FER: variants seen among roughly 807,000 people sequenced by gnomAD.
FER encodes FER tyrosine kinase, also known as tyrosine-protein kinase Fer.
Under a neutral mutation model 111.0 loss-of-function variants are expected in FER, and 63 were observed. The ratio of observed to expected loss-of-function variants is 0.57; its 90% CI spans 0.46 to 0.70. The LOEUF is 0.70. Ranked by LOEUF, FER falls within the 30% of genes least tolerant of loss-of-function variation. FER has a pLI of 0.00. For missense variants in FER, 914 were observed against 954.0 expected (o/e 0.96, Z 0.55); for synonymous variants, 327 against 313.9 (o/e 1.04, Z -0.44).
In FER at chr5:108,780,474, A is replaced by G. The variant is rs192271724; in HGVS notation, c.-60+12236A>G. Among the ~76,000 whole-genome samples the G allele has an allele frequency of 1.8e-3, 280 of 151,938 alleles. 2 individuals are homozygous for G. Among genetic ancestry groups the G allele is most frequent in the African/African-American group, 6.2e-3 (256 of 41,482 alleles). On this transcript the variant is annotated intron_variant, in intron 2 of 19. Coordinates refer to ENST00000281092, the MANE Select transcript of FER (RefSeq NM_005246.4). ...TTATATGGTTTTGGAGGTAATGTCA[A>G]TGTAATTATTCTCTTTGCTCTTTGA...
At chr5:108,941,049 C>T (rs1168234913) in intron 10 of FER, among the ~76,000 whole-genome samples, 1 of 152,048 alleles carries the variant, frequency 6.6e-6, no homozygotes, top group Non-Finnish European at 1.5e-5. Context: ...ACTTCTCTCT[C>T]CCACCCGAGA....
At chr5:108,959,396 G>A (rs902650790) in intron 13 of FER, 49 bp downstream of exon 13, 4 of 1,530,642 alleles carry the variant, frequency 2.6e-6, no homozygotes, top group Non-Finnish European at 3.5e-6. Flanking sequence ...AGAATTTTTG[G>A]TGAGTTAACA....
chr5:109,136,450 G>C (rs147164919), intron 17 of FER, among the ~76,000 whole-genome samples: 12 of 152,210 alleles, frequency 7.9e-5, no homozygotes, highest in African/African-American at 2.9e-4. Context: ...ATGTCTCCAA[G>C]TATGGGTAGC....
chr5:109,130,674 C>T (rs751940219), intron 17 of FER, among the ~76,000 whole-genome samples: 4 of 151,442 alleles, frequency 2.6e-5, no homozygotes, highest in South Asian at 2.1e-4. Flanking sequence ...ATAAATTTTA[C>T]GTTGTTTTGT....
intron 14 of FER, among the ~76,000 whole-genome samples, chr5:109,040,334 C>G (rs973079954): frequency 6.6e-6 from 1 of 152,088 alleles, no homozygotes; most frequent in Non-Finnish European, 1.5e-5. Flanking sequence ...TGAGCCTTGC[C>G]CACTCGAACA....
intron 15 of FER, among the ~76,000 whole-genome samples, chr5:109,046,010 A>T (rs746189674): frequency 6.6e-6 from 1 of 152,136 alleles, no homozygotes; most frequent in Non-Finnish European, 1.5e-5. Flanking sequence ...AAACTCAAGA[A>T]TTTTTGTTGG....
chr5:109,056,472 G>C (rs1773663045), intron 16 of FER, among the ~76,000 whole-genome samples: 1 of 151,948 alleles, frequency 6.6e-6, no homozygotes, highest in African/African-American at 2.4e-5. Flanking sequence ...GCCAGACACA[G>C]AAATGAAAAT....
chr5:108,948,977 C>G lies in FER; in HGVS notation c.1329+2755C>G, dbSNP rs1757371802. Among the ~76,000 whole-genome samples, 5 of 152,092 alleles carry G rather than the reference C, an allele frequency of 3.3e-5. No homozygotes were observed. The South Asian group carries it at 1.0e-3, about 31-fold the overall frequency. On this transcript the variant is annotated intron_variant, in intron 11 of 19. Transcript: ENST00000281092. ...CTCCTTAAAATTCATATTTTCTACA[C>G]TCTGTTGACATGGGTGCTATTTCAA...
intron 1 of FER, among the ~76,000 whole-genome samples, chr5:108,763,452 TGAG>T (rs1751982867): frequency 6.6e-6 from 1 of 152,162 alleles, no homozygotes; most frequent in Non-Finnish European, 1.5e-5. Flanking sequence ...AGCCTTGAAA[TGAG>T]GAGACTCCAA....
intron 13 of FER, among the ~76,000 whole-genome samples, chr5:109,004,819 GTTGT>G (rs1478193901): frequency 2.0e-5 from 3 of 151,966 alleles, no homozygotes; most frequent in Admixed American, 6.6e-5. Context: ...TTCATTTTAG[GTTGT>G]TTGTTTCATT....
intron 16 of FER, among the ~76,000 whole-genome samples, chr5:109,099,460 G>GT (rs576874674): frequency 4.1e-4 from 62 of 151,434 alleles, no homozygotes; most frequent in Non-Finnish European, 7.8e-4. Flanking sequence ...CTTTTCAGCT[G>GT]TAAATTTAAT....
intron 17 of FER, among the ~76,000 whole-genome samples, chr5:109,138,330 A>C (rs1228234425): frequency 6.6e-6 from 1 of 152,184 alleles, no homozygotes; most frequent in Non-Finnish European, 1.5e-5. Context: ...GGGTAGGGGA[A>C]ATGGGAATAT....
intron 5 of FER, among the ~76,000 whole-genome samples, chr5:108,849,742 A>G (rs1157363255): frequency 1.3e-5 from 2 of 152,138 alleles, no homozygotes; most frequent in Admixed American, 6.5e-5. Flanking sequence ...GATGCCATAC[A>G]TTGTGCATTT....
chr5:108,817,695 A>T (rs1758425568), intron 3 of FER, among the ~76,000 whole-genome samples: 1 of 152,198 alleles, frequency 6.6e-6, no homozygotes, highest in Non-Finnish European at 1.5e-5. Context: ...AGAGCACTTA[A>T]ATTAATACCT....
intron 17 of FER, among the ~76,000 whole-genome samples, chr5:109,118,069 GCATCCGTGTCTTGTGC>G (rs1750481874): frequency 6.6e-6 from 1 of 151,972 alleles, no homozygotes; most frequent in Non-Finnish European, 1.5e-5. Flanking sequence ...GTGAGAGAGG[GCATCCGTGTCTTGTGC>G]CAATTTTCAA....
chr5:109,089,138 G>A (rs573714198), intron 16 of FER, among the ~76,000 whole-genome samples: 3 of 152,288 alleles, frequency 2.0e-5, no homozygotes, highest in African/African-American at 7.2e-5. Context: ...TAGGGTGGGT[G>A]GCAGATCTAT....
intron 8 of FER, among the ~76,000 whole-genome samples, chr5:108,876,588 T>G (rs1179782052): frequency 6.6e-6 from 1 of 152,174 alleles, no homozygotes; most frequent in Non-Finnish European, 1.5e-5. Flanking sequence ...TAGCAGAATG[T>G]GGATTATTTT....
At chr5:109,106,410 T>A (rs1199387473) in intron 17 of FER, among the ~76,000 whole-genome samples, 1 of 152,210 alleles carries the variant, frequency 6.6e-6, no homozygotes, top group Non-Finnish European at 1.5e-5. Flanking sequence ...TATCTGTTAA[T>A]TAAACACACA....
intron 8 of FER, among the ~76,000 whole-genome samples, chr5:108,875,156 A>G (rs987735507): frequency 6.6e-6 from 1 of 152,162 alleles, no homozygotes; most frequent in East Asian, 1.9e-4. Context: ...GTTAAACTCA[A>G]TTATTTGTAG....
Sources: allele counts gnomAD v4.1 joint callset (sites outside exome capture counted in the v4.1 genomes callset), GRCh38; gene constraint gnomAD v4.1.1; transcripts MANE v1.5; gene names NCBI Gene and HGNC (gene_info 2026-07-23, HGNC 2026-07-21).